The following ARMH4 variants were observed in gnomAD, a reference collection of about 807,000 sequenced individuals.
ARMH4 encodes the protein armadillo like helical domain containing 4, also known as armadillo-like helical domain-containing protein 4.
Under a neutral mutation model 61.9 loss-of-function variants are expected in ARMH4, and 49 were observed. The ratio of observed to expected loss-of-function variants is 0.79; its 90% CI spans 0.63 to 1.00. The LOEUF (loss-of-function observed/expected upper bound fraction) is 1.00. ARMH4 is among the 50% of genes least tolerant of loss of function. ARMH4 has a pLI of 0.00. For missense variants in ARMH4, 934 were observed against 930.0 expected (o/e 1.00, Z -0.06); for synonymous variants, 368 against 341.5 (o/e 1.08, Z -0.85).
At chr14:58,041,851 G>A (rs573752392) in intron 5 of ARMH4, among the ~76,000 whole-genome samples, 11 of 152,132 alleles carry the variant, frequency 7.2e-5, no homozygotes, top group Non-Finnish European at 1.5e-4. Flanking sequence ...GACAAAGAAG[G>A]CCATTACATA....
chr14:58,143,975 T>C (rs1043852015), intron 1 of ARMH4, among the ~76,000 whole-genome samples: 1 of 151,998 alleles, frequency 6.6e-6, no homozygotes, highest in African/African-American at 2.4e-5. Flanking sequence ...GGTTTAACCA[T>C]GTTGGCCAGG....
Position 58,138,847 on chromosome 14 carries a change from G to C in ARMH4, c.512C>G (p.Pro171Arg). The change falls in exon 2 of 8, where the codon CCC becomes CGC. Residue 171 changes from proline to arginine, a missense_variant. By Grantham distance (103) the Pro-to-Arg change is moderately radical. Transcript: ENST00000267485. ...EELLTSTNFQ[P>R]IVEEITETTK... ...GGTTTCTGTGATCTCTTCTACAATG[G>C]GCTGAAAGTTAGTGCTTGTAAGGAG... 1 of 1,614,150 alleles carries C rather than the reference G, an allele frequency of 6.2e-7. No homozygotes were observed. The highest frequency in any genetic ancestry group is 8.5e-7 in the Non-Finnish European group (1 of 1,180,034).
intron 1 of ARMH4, among the ~76,000 whole-genome samples, chr14:58,145,295 A>G (rs544256385): frequency 6.6e-6 from 1 of 152,358 alleles, no homozygotes; most frequent in African/African-American, 2.4e-5. Context: ...TGACAAAATG[A>G]GGAATTAAAA....
intron 5 of ARMH4, among the ~76,000 whole-genome samples, chr14:58,086,529 C>T (rs1348249057): frequency 6.6e-6 from 1 of 152,034 alleles, no homozygotes; most frequent in Non-Finnish European, 1.5e-5. Context: ...CCATGTTTTC[C>T]ACAAATTAAC....
chr14:58,092,701 A>T lies in ARMH4; in HGVS notation c.2089+4023T>A, dbSNP rs1222206657. ...ACTCCGACCTCGCTCCCATCATCACATCTTCTTCTCTAACTCTGAACCTCC... is the reference window on the plus strand; with the variant it reads ...ACTCCGACCTCGCTCCCATCATCACTTCTTCTTCTCTAACTCTGAACCTCC... On this transcript the variant is annotated intron_variant, in intron 5 of 7. Coordinates refer to ENST00000267485, the MANE Select transcript of ARMH4 (RefSeq NM_001001872.4). Among the ~76,000 whole-genome samples, 4 of 152,120 alleles carry T rather than the reference A, an allele frequency of 2.6e-5. No homozygotes were observed. The East Asian group carries it at 7.7e-4, about 29-fold the overall frequency.
intron 4 of ARMH4, among the ~76,000 whole-genome samples, chr14:58,102,607 C>T (rs1886027456): frequency 6.7e-6 from 1 of 148,546 alleles, no homozygotes; most frequent in African/African-American, 2.5e-5. Flanking sequence ...GTCAGGAGAT[C>T]GAGACCATCC....
chr14:58,016,322 G>T (rs1316387651), intron 5 of ARMH4, among the ~76,000 whole-genome samples: 1 of 152,092 alleles, frequency 6.6e-6, no homozygotes, highest in Non-Finnish European at 1.5e-5. Context: ...ATACTTAATG[G>T]CAAGATGTTG....
At chr14:58,073,994 T>C (rs1057360300) in intron 5 of ARMH4, among the ~76,000 whole-genome samples, 3 of 152,204 alleles carry the variant, frequency 2.0e-5, no homozygotes, top group Admixed American at 1.3e-4. Context: ...AATCCCAAAA[T>C]TGAATCATTG....
At chr14:58,020,680 G>C (rs974147233) in intron 5 of ARMH4, among the ~76,000 whole-genome samples, 1 of 152,136 alleles carries the variant, frequency 6.6e-6, no homozygotes, top group Non-Finnish European at 1.5e-5. Context: ...TGTTCGCCAA[G>C]GACTTTTCCA....
intron 4 of ARMH4, among the ~76,000 whole-genome samples, chr14:58,125,343 C>T (rs1013049495): frequency 6.6e-6 from 1 of 152,114 alleles, no homozygotes; most frequent in African/African-American, 2.4e-5. Flanking sequence ...TTGCCTGCAG[C>T]TAACCAATAG....
chr14:58,137,888 G>T, intron 2 of ARMH4, 102 bp downstream of exon 2: 3 of 1,197,044 alleles, frequency 2.5e-6, no homozygotes, highest in Non-Finnish European at 3.4e-6. Context: ...CACCTGGCCT[G>T]CTTTTCATTA....
intron 1 of ARMH4, among the ~76,000 whole-genome samples, chr14:58,148,885 C>T (rs1279952721): frequency 6.7e-6 from 1 of 149,650 alleles, no homozygotes; most frequent in Admixed American, 6.7e-5. Flanking sequence ...ACACACGCAA[C>T]AGACCAACAG....
intron 5 of ARMH4, among the ~76,000 whole-genome samples, chr14:58,054,883 A>AAATAAT (rs71448938): frequency 0.013 from 1,809 of 138,412 alleles, 17 homozygotes; most frequent in Middle Eastern, 0.026. Flanking sequence ...AAAAAAAAAA[A>AAATAAT]AATAATAATA....
Position 58,138,602 on chromosome 14 carries a change from CA to C in ARMH4, c.756del (p.Asp253IlefsTer8), listed in dbSNP as rs779700311. 5 of 1,614,226 alleles carry C rather than the reference CA, an allele frequency of 3.1e-6. No homozygotes were observed. The highest frequency in any genetic ancestry group is 4.2e-6 in the Non-Finnish European group (5 of 1,180,042). On this transcript the variant is annotated frameshift_variant, in exon 2 of 8. Transcript: ENST00000267485. LOFTEE classifies it high-confidence loss of function. ...TAGSEPGSLTPDKEKPSQMTA... is the reference protein window; with the variant it reads ...TAGSEPGSLTXDKEKPSQMTA... ...GTCATCTGCGAAGGCTTCTCCTTAT[CA>C]GGGGTGAGGCTTCCAGGCTCACTGC... is the stretch of plus-strand genomic sequence containing the variant.
At chr14:58,088,307 C>G (rs1885445181) in intron 5 of ARMH4, among the ~76,000 whole-genome samples, 1 of 152,018 alleles carries the variant, frequency 6.6e-6, no homozygotes, top group African/African-American at 2.4e-5. Flanking sequence ...ATGGAAAGAT[C>G]TATGAATAAA....
intron 5 of ARMH4, among the ~76,000 whole-genome samples, chr14:58,080,060 G>A (rs1016016335): frequency 5.9e-5 from 9 of 151,964 alleles, no homozygotes; most frequent in Middle Eastern, 3.4e-3. Context: ...GACTGCCAAC[G>A]ATGCTAAGAC....
intron 5 of ARMH4, among the ~76,000 whole-genome samples, chr14:58,036,583 T>C (rs1883492230): frequency 8.5e-6 from 1 of 117,718 alleles, no homozygotes; most frequent in East Asian, 2.3e-4. Context: ...ATAAAGGGTA[T>C]TCAATTAGGA....
intron 5 of ARMH4, among the ~76,000 whole-genome samples, chr14:58,050,000 C>A (rs568249292): frequency 1.3e-5 from 2 of 152,134 alleles, no homozygotes; most frequent in Non-Finnish European, 2.9e-5. Context: ...TGGACAGAAG[C>A]ATTTTTGGTC....
Position 58,138,029 on chromosome 14 carries a change from CAT to C in ARMH4, c.1328_1329del (p.Tyr443Ter), listed in dbSNP as rs1337990737. ...CCCAACAGTTGGTCTGCCTCAGACT[CAT>C]ATACAGAGACAGAAACAGTGGTTTC... The part of the protein sequence containing the change: ...FLETTVSVSV[Y>X]ESEADQLLGN... On this transcript the variant is annotated frameshift_variant, in exon 2 of 8. Transcript: ENST00000267485. LOFTEE classifies it high-confidence loss of function. 6.2e-7 allele frequency: 1 copy of C among 1,614,148 alleles called. No homozygotes were observed. Among genetic ancestry groups the C allele is most frequent in the Non-Finnish European group, 8.5e-7 (1 of 1,180,002 alleles).
Sources: allele counts gnomAD v4.1 joint callset (sites outside exome capture counted in the v4.1 genomes callset), GRCh38; gene constraint gnomAD v4.1.1; transcripts MANE v1.5; gene names NCBI Gene and HGNC (gene_info 2026-07-23, HGNC 2026-07-21).